The following CAST variants were observed in gnomAD, a reference collection of about 807,000 sequenced individuals.
CAST encodes calpastatin, also known as MIR583 host.
In CAST, 76 loss-of-function variants were observed where a neutral mutation model predicts 119.6. The ratio of observed to expected loss-of-function variants is 0.64; its 90% confidence interval spans 0.53 to 0.77. The LOEUF (loss-of-function observed/expected upper bound fraction) is 0.77. CAST is among the 30% of genes least tolerant of loss of function. The pLI, the probability that CAST is intolerant of heterozygous loss-of-function variation, is 0.00. For missense variants in CAST, 953 were observed against 946.5 expected (o/e 1.01, Z -0.09); for synonymous variants, 319 against 331.6 (o/e 0.96, Z 0.41).
At chr5:96,294,012 A>C in the CAST span, among the ~76,000 whole-genome samples, 1 of 152,098 alleles carries the variant, frequency 6.6e-6, no homozygotes, top group Non-Finnish European at 1.5e-5. Context: ...CACCAGCCTC[A>C]GTCTCCCAAA....
intron 1 of CAST, among the ~76,000 whole-genome samples, chr5:96,570,674 G>A (rs1484063479): frequency 2.0e-5 from 3 of 152,170 alleles, no homozygotes; most frequent in Non-Finnish European, 2.9e-5. Flanking sequence ...CTCCCTTGTA[G>A]CATTTTTCCA....
chr5:96,662,286 A>G, upstream of CAST: 7 of 1,096,100 alleles, frequency 6.4e-6, no homozygotes, highest in Admixed American at 4.5e-5. Flanking sequence ...GTGGGGTCGG[A>G]AAAGCTGTTT....
At chr5:96,308,076 C>T in the CAST span, among the ~76,000 whole-genome samples, 18 of 152,292 alleles carry the variant, frequency 1.2e-4, no homozygotes, top group African/African-American at 4.1e-4. Flanking sequence ...CTCCCTGTCA[C>T]TTTCAGGTAC....
chr5:96,737,834 T>C lies in CAST; in HGVS notation c.700-15T>C, dbSNP rs1173963276. On this transcript the variant is annotated splice_polypyrimidine_tract_variant and intron_variant, in intron 10 of 31. Transcript: ENST00000675179. Reference sequence around the variant, plus strand: ...ATAACAAATAACATTTAAATATCTGTTCTTTCTTTTCCAGTCAGGCATGGA... The same window carrying C: ...ATAACAAATAACATTTAAATATCTGCTCTTTCTTTTCCAGTCAGGCATGGA... 3.6e-6 allele frequency: 5 copies of C among 1,395,668 alleles called. No homozygotes were observed. Among genetic ancestry groups the C allele is most frequent in the Non-Finnish European group, 5.0e-6 (5 of 990,374 alleles). 86.5% of individuals were successfully genotyped at this position (1,395,668 alleles called of 1,614,324 possible).
rs901678308 is a variant in CAST, at chr5:96,631,373, T to C, written c.61-44166T>C. On this transcript the variant is annotated intron_variant, in intron 1 of 11. Transcript: ENST00000505143. ...TAATCATAAAATATGTGTCCTTTTTTGTCTGACTCCTTTCATTTAGTGTAA... is the reference window on the plus strand; with the variant it reads ...TAATCATAAAATATGTGTCCTTTTTCGTCTGACTCCTTTCATTTAGTGTAA... Among the ~76,000 whole-genome samples, 9 of 141,114 alleles carry C rather than the reference T, an allele frequency of 6.4e-5. 1 individual carries two copies. Among genetic ancestry groups the C allele is most frequent in the African/African-American group, 1.8e-4 (7 of 39,914 alleles). 92.6% of individuals were successfully genotyped at this position (141,114 alleles called of 152,430 possible).
rs764462040 is a variant in CAST at position 96,578,928 on chromosome 5, C to T, written c.60+49048C>T. Among the ~76,000 whole-genome samples the T allele has an allele frequency of 2.1e-4, 32 of 152,104 alleles. 1 individual carries two copies. Among genetic ancestry groups the T allele is most frequent in the South Asian group, 4.1e-4 (2 of 4,828 alleles). ...TCCAATAGCAGTTTAATTTTCAGAG[C>T]TTTGGCCTGTTATTTGGTTTGCTTG... On this transcript the variant is annotated intron_variant, in intron 1 of 11. Transcript: ENST00000505143.
At chr5:96,049,694 C>A in the CAST span, among the ~76,000 whole-genome samples, 29 of 151,972 alleles carry the variant, frequency 1.9e-4, no homozygotes, top group African/African-American at 6.8e-4. Context: ...CAGTGTAGAA[C>A]TTGTTATACT....
chr5:96,327,144 G>C, the CAST span, among the ~76,000 whole-genome samples: 1 of 152,176 alleles, frequency 6.6e-6, no homozygotes, highest in Admixed American at 6.5e-5. Flanking sequence ...TGACTTTCCT[G>C]AGTTTCACAT....
chr5:96,309,257 G>A, the CAST span, among the ~76,000 whole-genome samples: 15 of 152,174 alleles, frequency 9.9e-5, no homozygotes, highest in Non-Finnish European at 2.1e-4. Flanking sequence ...CAATGTGAGG[G>A]TAAAACCGCC....
chr5:96,558,204 C>G (rs1476770953), intron 1 of CAST, among the ~76,000 whole-genome samples: 1 of 152,046 alleles, frequency 6.6e-6, no homozygotes, highest in East Asian at 1.9e-4. Flanking sequence ...ACATTCAAAG[C>G]AATGTGTAGA....
chr5:96,535,777 G>T (rs947196968), intron 1 of CAST, among the ~76,000 whole-genome samples: 4 of 150,944 alleles, frequency 2.6e-5, no homozygotes, highest in Non-Finnish European at 5.9e-5. Flanking sequence ...GTTTCACCGT[G>T]TTAGCCAGGT....
chr5:96,212,731 C>T, the CAST span, among the ~76,000 whole-genome samples: 1 of 152,134 alleles, frequency 6.6e-6, no homozygotes, highest in African/African-American at 2.4e-5. Context: ...TTCAGTTTCA[C>T]CAGTTTTTGT....
At chr5:96,482,072 G>T in the CAST span, among the ~76,000 whole-genome samples, 3 of 152,208 alleles carry the variant, frequency 2.0e-5, no homozygotes, top group South Asian at 4.2e-4. Flanking sequence ...AGAGTTAGCT[G>T]GCTGGCCACC....
At chr5:96,194,346 G>C in the CAST span, among the ~76,000 whole-genome samples, 1 of 152,122 alleles carries the variant, frequency 6.6e-6, no homozygotes, top group African/African-American at 2.4e-5. Context: ...TCTGGTGATG[G>C]GCCCTGGGAA....
chr5:96,522,074 C>T (rs1283792448), upstream of CAST, among the ~76,000 whole-genome samples: 2 of 151,902 alleles, frequency 1.3e-5, no homozygotes, highest in African/African-American at 4.8e-5. Flanking sequence ...CGAGCTCGTG[C>T]TACTGCACTC....
chr5:96,004,569 G>A, the CAST span, among the ~76,000 whole-genome samples: 1 of 152,138 alleles, frequency 6.6e-6, no homozygotes, highest in Non-Finnish European at 1.5e-5. Flanking sequence ...TTCAACTCAA[G>A]TGATCAGGTT....
the CAST span, among the ~76,000 whole-genome samples, chr5:96,144,316 C>A: frequency 6.6e-6 from 1 of 152,134 alleles, no homozygotes. Context: ...ACTACTGACT[C>A]CATTCTTTCA....
the CAST span, among the ~76,000 whole-genome samples, chr5:95,989,305 A>G: frequency 6.6e-6 from 1 of 152,140 alleles, no homozygotes; most frequent in African/African-American, 2.4e-5. Context: ...ATCTGAGAGC[A>G]TGATATATCT....
At chr5:96,543,808 A>T (rs1211124816) in intron 1 of CAST, among the ~76,000 whole-genome samples, 2 of 152,326 alleles carry the variant, frequency 1.3e-5, no homozygotes, top group Non-Finnish European at 2.9e-5. Flanking sequence ...CCACTTGTTG[A>T]AAAGATTATT....
Sources: gnomAD v4.1 joint callset for allele counts (sites outside exome capture counted in the v4.1 genomes callset) on GRCh38, gnomAD v4.1.1 for gene constraint, MANE v1.5 for transcripts, NCBI Gene and HGNC (gene_info 2026-07-23, HGNC 2026-07-21) for gene names.